CHI3L2: variants seen among roughly 807,000 people sequenced by gnomAD.
CHI3L2 encodes chitinase-3-like protein 2.
CHI3L2 carries 47 observed loss-of-function variants against 47.3 expected under a neutral mutation model. The ratio of observed to expected loss-of-function variants is 0.99; its 90% CI spans 0.79 to 1.27. The LOEUF (loss-of-function observed/expected upper bound fraction) is 1.27. Ranked by LOEUF, CHI3L2 falls within the 50% of genes most tolerant of loss-of-function variation. The pLI is 0.00. For synonymous variants in CHI3L2, 198 were observed against 169.9 expected (o/e 1.17, Z -1.28); for missense variants, 497 against 462.1 (o/e 1.08, Z -0.69).
chr1:111,243,018 A>G (rs1442867114), intron 10 of CHI3L2, among the ~76,000 whole-genome samples, 199 bp from the exon 11 acceptor site: 1 of 152,196 alleles, frequency 6.6e-6, no homozygotes, highest in Non-Finnish European at 1.5e-5. Flanking sequence ...GTGGAGAAGC[A>G]GGGCGCTGGG....
At chr1:111,241,639 T>A (rs1490915138) in intron 9 of CHI3L2, among the ~76,000 whole-genome samples, 196 bp downstream of exon 9, 1 of 152,126 alleles carries the variant, frequency 6.6e-6, no homozygotes, top group East Asian at 1.9e-4. Context: ...GTAGAAGAGT[T>A]GGAAAGGACG....
chr1:111,230,463 G>C lies in CHI3L2; in HGVS notation c.71-279G>C, dbSNP rs12031750. Among the ~76,000 whole-genome samples, 14,690 of 152,042 alleles carry C rather than the reference G, an allele frequency of 0.097. 980 individuals are homozygous for C. Among genetic ancestry groups the C allele is most frequent in the East Asian group, 0.35 (1,809 of 5,166 alleles). ...GAGATGGGGTTTTGCTATGTTGCCA[G>C]AGCTGGTCTTGAACTCCTGGGCTCA... is the stretch of plus-strand genomic sequence containing the variant. On this transcript the variant is annotated intron_variant, in intron 2 of 10. Coordinates refer to ENST00000369748, the MANE Select transcript of CHI3L2 (RefSeq NM_004000.3).
intron 7 of CHI3L2, among the ~76,000 whole-genome samples, chr1:111,237,881 A>G (rs932069879): frequency 6.6e-6 from 1 of 152,238 alleles, no homozygotes; most frequent in African/African-American, 2.4e-5. Context: ...TAAGACTGAT[A>G]GAAGAGAATT....
chr1:111,233,755 G>A (rs1231129230), intron 4 of CHI3L2, among the ~76,000 whole-genome samples: 3 of 151,822 alleles, frequency 2.0e-5, no homozygotes, highest in Admixed American at 6.6e-5. Flanking sequence ...AGAAAGGGGG[G>A]AAAGGTGGGG....
At chr1:111,242,528 C>A in intron 10 of CHI3L2, 162 bp downstream of exon 10, 1 of 577,228 alleles carries the variant, frequency 1.7e-6, no homozygotes, top group Non-Finnish European at 2.7e-6. Context: ...CTGCCCTTTT[C>A]ATAGGCTTCC....
At chr1:111,232,946 G>A (rs1406142282) in intron 4 of CHI3L2, among the ~76,000 whole-genome samples, 1 of 152,136 alleles carries the variant, frequency 6.6e-6, no homozygotes, top group Non-Finnish European at 1.5e-5. Flanking sequence ...TCAAAGATGA[G>A]ATACATGCAG....
At chr1:111,231,105 C>A in intron 3 of CHI3L2, 133 bp from the exon 4 acceptor site, 1 of 953,162 alleles carries the variant, frequency 1.0e-6, no homozygotes, top group Non-Finnish European at 1.6e-6. Flanking sequence ...TTCATCCCTT[C>A]ACTGAACTTC....
chr1:111,238,419 A>C (rs541875485), intron 7 of CHI3L2, among the ~76,000 whole-genome samples: 1 of 152,326 alleles, frequency 6.6e-6, no homozygotes, highest in South Asian at 2.1e-4. Context: ...TTGTGTAGAC[A>C]AGTTCCACAG....
chr1:111,242,101 A>C (rs1660075630), intron 9 of CHI3L2, 126 bp from the exon 10 acceptor site: 7 of 1,220,262 alleles, frequency 5.7e-6, no homozygotes, highest in Non-Finnish European at 7.0e-6. Flanking sequence ...GGAAGTCTCT[A>C]ACTCCAGAAA....
intron 7 of CHI3L2, among the ~76,000 whole-genome samples, chr1:111,237,384 T>C (rs1659915876): frequency 6.6e-6 from 1 of 152,228 alleles, no homozygotes; most frequent in African/African-American, 2.4e-5. Flanking sequence ...ACTGTCATAA[T>C]TTTCTCAGTT....
At chr1:111,241,612 G>T (rs1351475592) in intron 9 of CHI3L2, among the ~76,000 whole-genome samples, 169 bp downstream of exon 9, 1 of 152,248 alleles carries the variant, frequency 6.6e-6, no homozygotes, top group Middle Eastern at 3.4e-3. Context: ...TCACACCCGC[G>T]AGCAGCTGTG....
chr1:111,229,755 C>T, intron 1 of CHI3L2, 97 bp from the exon 2 acceptor site: 1 of 1,483,178 alleles, frequency 6.7e-7, no homozygotes, highest in East Asian at 2.7e-5. Flanking sequence ...GTGGCTCTAT[C>T]TTGTATGTGA....
intron 4 of CHI3L2, among the ~76,000 whole-genome samples, chr1:111,234,348 G>A (rs1006170996): frequency 2.6e-5 from 4 of 152,130 alleles, no homozygotes; most frequent in African/African-American, 9.7e-5. Context: ...TAGCCAAAGA[G>A]CACGCTAGGG....
At chr1:111,236,926 A>G (rs1192291318) in intron 7 of CHI3L2, among the ~76,000 whole-genome samples, 33 of 152,326 alleles carry the variant, frequency 2.2e-4, no homozygotes, top group Admixed American at 2.2e-3. Flanking sequence ...ATGAAATCAT[A>G]AGGGTTCAAA....
intron 7 of CHI3L2, among the ~76,000 whole-genome samples, chr1:111,236,576 T>C (rs186542046): frequency 5.3e-5 from 8 of 152,192 alleles, no homozygotes; most frequent in Admixed American, 5.2e-4. Flanking sequence ...TCACAGATGA[T>C]GAAACAGAAG....
At chr1:111,239,633 A>C (rs747966798) in intron 8 of CHI3L2, among the ~76,000 whole-genome samples, 2 of 152,198 alleles carry the variant, frequency 1.3e-5, no homozygotes, top group Non-Finnish European at 2.9e-5. Context: ...GGTGTTTCAA[A>C]AAGGAGGGAG....
rs1375981916 is a variant in CHI3L2 at position 111,231,307 on chromosome 1, CT to C, written c.329+16del. On this transcript the variant is annotated intron_variant, in intron 4 of 10. Transcript: ENST00000369748. Reference sequence around the variant, plus strand: ...TTGGTTCCAAAGGGTAAGACTACATCTTTATTTTTTGTTCATTTCCCCATGT... The same window carrying C: ...TTGGTTCCAAAGGGTAAGACTACATCTTATTTTTTGTTCATTTCCCCATGT... 2 of 1,586,434 alleles carry C rather than the reference CT, an allele frequency of 1.3e-6. No individual in the cohort carries two copies. The highest frequency in any genetic ancestry group is 2.2e-5 in the East Asian group (1 of 44,686).
At chr1:111,234,872 C>A in intron 4 of CHI3L2, 35 bp from the exon 5 acceptor site, 1 of 1,606,648 alleles carries the variant, frequency 6.2e-7, no homozygotes, top group Non-Finnish European at 8.5e-7. Flanking sequence ...GTTACTTGTT[C>A]TTTCCAAAAA....
chr1:111,234,995 C>T lies in CHI3L2; in HGVS notation c.418C>T (p.Leu140=). 1.2e-6 allele frequency: 2 copies of T among 1,614,070 alleles called. No homozygotes were observed. The highest frequency in any genetic ancestry group is 1.7e-5 in the Admixed American group (1 of 60,032). The change falls in exon 5 of 11, where the codon CTG becomes TTG. Residue 140 remains leucine, a synonymous_variant. Transcript: ENST00000369748. ...LFLRNHNFDG[L]DVSWIYPDQK... ...TCTGAGGAACCATAACTTTGATGGACTGGATGTAAGCTGGATCTACCCAGA... is the reference window on the plus strand; with the variant it reads ...TCTGAGGAACCATAACTTTGATGGATTGGATGTAAGCTGGATCTACCCAGA...
Sources: allele counts gnomAD v4.1 joint callset (sites outside exome capture counted in the v4.1 genomes callset), GRCh38; gene constraint gnomAD v4.1.1; transcripts MANE v1.5; gene names NCBI Gene and HGNC (gene_info 2026-07-23, HGNC 2026-07-21).